The following MED27 variants were observed in gnomAD, a reference collection of about 807,000 sequenced individuals.
MED27 encodes mediator complex subunit 27.
A neutral mutation model predicts 38.2 loss-of-function variants in MED27; 30 were observed. The ratio of observed to expected loss-of-function variants is 0.79; its 90% CI spans 0.59 to 1.07. The LOEUF (loss-of-function observed/expected upper bound fraction) is 1.07, where lower values mean the gene tolerates loss of function less well. Ranked by LOEUF, MED27 falls within the 50% of genes least tolerant of loss-of-function variation. MED27 has a pLI of 0.00. For synonymous variants in MED27, 122 were observed against 153.5 expected (o/e 0.79, Z 1.52); for missense variants, 289 against 397.5 (o/e 0.73, Z 2.32).
At chr9:131,936,594 G>A (rs1830689954) in intron 4 of MED27, among the ~76,000 whole-genome samples, 1 of 152,232 alleles carries the variant, frequency 6.6e-6, no homozygotes, top group South Asian at 2.1e-4. Context: ...TGTATGCACA[G>A]GGATGGAAGG....
At chr9:131,964,961 G>C (rs1033902481) in intron 3 of MED27, among the ~76,000 whole-genome samples, 3 of 152,128 alleles carry the variant, frequency 2.0e-5, no homozygotes, top group African/African-American at 7.2e-5. Context: ...CTTTTTAAAA[G>C]TGAAAGTACA....
intron 3 of MED27, among the ~76,000 whole-genome samples, chr9:131,970,836 C>T (rs558616161): frequency 5.9e-5 from 9 of 152,272 alleles, no homozygotes; most frequent in Non-Finnish European, 1.2e-4. Flanking sequence ...AAACACCAAA[C>T]AGATCATGTG....
chr9:132,078,284 T>C (rs1047540174), intron 1 of MED27, among the ~76,000 whole-genome samples: 2 of 152,166 alleles, frequency 1.3e-5, no homozygotes, highest in African/African-American at 4.8e-5. Flanking sequence ...ACATTCATTT[T>C]GGAATCATCA....
At chr9:132,020,594 C>T (rs1331188007) in intron 2 of MED27, among the ~76,000 whole-genome samples, 3 of 152,198 alleles carry the variant, frequency 2.0e-5, no homozygotes, top group African/African-American at 2.4e-5. Flanking sequence ...AGGACCTTTG[C>T]CCCTCATTAC....
chr9:131,967,665 ATT>A (rs764682963), intron 3 of MED27, among the ~76,000 whole-genome samples: 18 of 122,898 alleles, frequency 1.5e-4, no homozygotes, highest in Admixed American at 2.4e-4. Context: ...CTAATTTTGT[ATT>A]TTTTTTTTTT....
At chr9:131,996,524 C>T (rs1832094200) in intron 3 of MED27, among the ~76,000 whole-genome samples, 1 of 152,194 alleles carries the variant, frequency 6.6e-6, no homozygotes, top group African/African-American at 2.4e-5. Context: ...AGGGAGGCCC[C>T]ACTGGACTCC....
At chr9:131,934,445 AT>A (rs1481247619) in intron 4 of MED27, among the ~76,000 whole-genome samples, 1 of 152,184 alleles carries the variant, frequency 6.6e-6, no homozygotes, top group East Asian at 1.9e-4. Flanking sequence ...GAAAAAAAAA[AT>A]CTAATGATCC....
intron 2 of MED27, among the ~76,000 whole-genome samples, chr9:132,068,933 C>T (rs1200555973): frequency 6.6e-6 from 1 of 152,124 alleles, no homozygotes; most frequent in Non-Finnish European, 1.5e-5. Flanking sequence ...GGCCTTCTCC[C>T]AAACCAAACC....
chr9:131,979,922 A>C (rs1831694253), intron 3 of MED27, among the ~76,000 whole-genome samples: 1 of 152,112 alleles, frequency 6.6e-6, no homozygotes, highest in East Asian at 1.9e-4. Context: ...GGTTTGCCTA[A>C]ATTAACATTT....
intron 2 of MED27, among the ~76,000 whole-genome samples, chr9:132,019,968 G>A (rs1832684803): frequency 6.6e-6 from 1 of 152,164 alleles, no homozygotes; most frequent in African/African-American, 2.4e-5. Context: ...CTCCAGTCAT[G>A]TGTTAGGTGG....
intron 4 of MED27, among the ~76,000 whole-genome samples, chr9:131,912,027 A>G (rs1830198967): frequency 6.6e-6 from 1 of 152,190 alleles, no homozygotes; most frequent in Non-Finnish European, 1.5e-5. Context: ...AAGGGCCTGA[A>G]AAGTCCAGAA....
intron 4 of MED27, among the ~76,000 whole-genome samples, chr9:131,933,733 A>G (rs1235001609): frequency 6.6e-6 from 1 of 152,172 alleles, no homozygotes; most frequent in Non-Finnish European, 1.5e-5. Flanking sequence ...ATTCAATACA[A>G]GCCTTATCAA....
At chr9:132,028,983 G>T (rs539998862) in intron 2 of MED27, among the ~76,000 whole-genome samples, 1 of 152,304 alleles carries the variant, frequency 6.6e-6, no homozygotes, top group East Asian at 1.9e-4. Flanking sequence ...CTTGAGACCT[G>T]GAAGCCATCA....
At chr9:132,037,329 T>C (rs1833100895) in intron 2 of MED27, among the ~76,000 whole-genome samples, 1 of 152,210 alleles carries the variant, frequency 6.6e-6, no homozygotes, top group Non-Finnish European at 1.5e-5. Context: ...GATTTAATGC[T>C]CCCTATCAGG....
Position 132,079,644 on chromosome 9 carries a change from G to A in MED27, c.201C>T (p.Leu67=). Residue 67 remains leucine (L), a splice_region_variant and synonymous_variant, in exon 1 of 8, where the codon CTC becomes CTT. Transcript: ENST00000292035. The part of the protein sequence containing the change: ...QDNLHSVNRD[L]NELERLSNLV... ...CGGCCCCTTCAGCCGGTACCTACTT[G>A]AGGTCCCGGTTGACCGAATGTAAGT... 6.2e-7 allele frequency: 1 copy of A among 1,612,320 alleles called. No homozygotes were observed. The highest frequency in any genetic ancestry group is 8.5e-7 in the Non-Finnish European group (1 of 1,179,830).
intron 3 of MED27, among the ~76,000 whole-genome samples, chr9:131,968,809 C>CAA (rs1243395530): frequency 6.6e-6 from 1 of 152,160 alleles, no homozygotes; most frequent in Non-Finnish European, 1.5e-5. Context: ...GGCGAGCGAG[C>CAA]AAAGCTTCAT....
chr9:131,911,508 A>T (rs895718791), intron 4 of MED27, among the ~76,000 whole-genome samples: 2 of 152,254 alleles, frequency 1.3e-5, no homozygotes, highest in African/African-American at 4.8e-5. Context: ...GTTCAAATCC[A>T]TTCCCACTCC....
At chr9:131,908,304 C>T (rs1369879417) in intron 4 of MED27, among the ~76,000 whole-genome samples, 2 of 151,706 alleles carry the variant, frequency 1.3e-5, no homozygotes, top group African/African-American at 2.4e-5. Context: ...AGGTGAGGGG[C>T]GCCTCTGCCC....
chr9:132,010,950 G>A (rs1832474337), intron 3 of MED27, among the ~76,000 whole-genome samples: 1 of 152,118 alleles, frequency 6.6e-6, no homozygotes, highest in African/African-American at 2.4e-5. Flanking sequence ...GTTAATGGGT[G>A]CAGCACACCA....
Sources: allele counts gnomAD v4.1 joint callset (sites outside exome capture counted in the v4.1 genomes callset), GRCh38; gene constraint gnomAD v4.1.1; transcripts MANE v1.5; gene names NCBI Gene and HGNC (gene_info 2026-07-23, HGNC 2026-07-21).